DRC3: variants seen among roughly 807,000 people sequenced by gnomAD.
DRC3 encodes the protein leucine rich repeat containing 48.
A neutral mutation model predicts 57.6 loss-of-function variants in DRC3; 45 were observed. That is an observed-to-expected ratio of 0.78 (90% CI 0.62 to 1.00). The LOEUF is 1.00. DRC3 is among the 50% of genes least tolerant of loss of function. The pLI is 0.00. For missense variants in DRC3, 655 were observed against 675.2 expected (o/e 0.97, Z 0.33); for synonymous variants, 257 against 272.3 (o/e 0.94, Z 0.55).
At chr17:18,007,345 G>A (rs1443229932) in intron 12 of DRC3, 198 bp downstream of exon 12, 4 of 1,513,952 alleles carry the variant, frequency 2.6e-6, no homozygotes, top group African/African-American at 2.8e-5. Context: ...CACCCAGTGG[G>A]GCCCAGTTAA....
At position 18,008,429 on chromosome 17, in the gene DRC3, G is replaced by A. The variant is rs2044056400; in HGVS notation, c.1326+1282G>A. Among the ~76,000 whole-genome samples, 1 of 152,180 alleles carries A rather than the reference G, an allele frequency of 6.6e-6. No homozygotes were observed. Among genetic ancestry groups the A allele is most frequent in the Non-Finnish European group, 1.5e-5 (1 of 68,036 alleles). On this transcript the variant is annotated intron_variant, in intron 12 of 13. Coordinates refer to ENST00000399187, the MANE Select transcript of DRC3 (RefSeq NM_031294.4). The surrounding 1 kb of genome is among the most constrained non-coding windows in gnomAD (Gnocchi z 4.3). Reference sequence around the variant, plus strand: ...ACATGTAAGCTCAGGAGGGAGGACGGGGATGGCCTTTTCACCACCATGTAC... The same window carrying A: ...ACATGTAAGCTCAGGAGGGAGGACGAGGATGGCCTTTTCACCACCATGTAC...
chr17:18,016,471 AT>A, intron 13 of DRC3, 86 bp from the exon 14 acceptor site: 1 of 1,009,662 alleles, frequency 9.9e-7, no homozygotes, highest in Non-Finnish European at 1.5e-6. Context: ...TAAAGGAACT[AT>A]TTTCCCCTTC....
intron 8 of DRC3, among the ~76,000 whole-genome samples, chr17:17,996,201 G>A (rs1044094434): frequency 6.6e-6 from 1 of 152,108 alleles, no homozygotes; most frequent in Non-Finnish European, 1.5e-5. Context: ...TTTGTATTTA[G>A]TAGAGACTGG....
intron 9 of DRC3, among the ~76,000 whole-genome samples, chr17:17,997,973 G>C (rs1295387040): frequency 6.6e-6 from 1 of 152,180 alleles, no homozygotes; most frequent in Non-Finnish European, 1.5e-5. Flanking sequence ...TTACTATTTT[G>C]ACAGTAATGA....
chr17:17,979,878 A>G (rs1360571433), intron 3 of DRC3, among the ~76,000 whole-genome samples: 1 of 151,740 alleles, frequency 6.6e-6, no homozygotes, highest in Admixed American at 6.5e-5. Flanking sequence ...GCTGAAGAAC[A>G]GGCACCAGTC....
intron 2 of DRC3, among the ~76,000 whole-genome samples, chr17:17,975,889 G>C (rs1468100772): frequency 6.6e-6 from 1 of 152,214 alleles, no homozygotes; most frequent in Non-Finnish European, 1.5e-5. Flanking sequence ...GGACAGTTCA[G>C]GGCAGAGGAT....
intron 2 of DRC3, among the ~76,000 whole-genome samples, chr17:17,975,572 A>G (rs2145175452): frequency 6.7e-6 from 1 of 149,712 alleles, no homozygotes; most frequent in East Asian, 2.0e-4. Context: ...CAAATATAAC[A>G]CATTAAAATT....
chr17:17,990,086 G>A (rs1391993234), intron 5 of DRC3, among the ~76,000 whole-genome samples: 3 of 152,146 alleles, frequency 2.0e-5, no homozygotes, highest in Non-Finnish European at 2.9e-5. Flanking sequence ...TCAAGGACAC[G>A]GGCTTCCTTG....
rs774076446 is a variant in DRC3 at position 18,016,140 on chromosome 17, G to A, written c.1403G>A (p.Arg468Gln). The change falls in exon 13 of 14, where the codon CGA (arginine) becomes CAA (glutamine). Residue 468 changes from arginine (R) to glutamine (Q), a missense_variant. By Grantham distance (43) the Arg-to-Gln change is conservative (BLOSUM62 1). Coordinates refer to ENST00000399187, the MANE Select transcript of DRC3 (RefSeq NM_031294.4). ...HDIHLLKIDN[R>Q]EDELVTRINS... Reference sequence around the variant, plus strand: ...ATCCACCTCCTGAAGATTGACAATCGAGAAGATGAGCTGGTGACCAGAATC... The same window carrying A: ...ATCCACCTCCTGAAGATTGACAATCAAGAAGATGAGCTGGTGACCAGAATC... 5.0e-6 allele frequency: 8 copies of A among 1,613,958 alleles called. No homozygotes were observed. The highest frequency in any genetic ancestry group is 2.2e-5 in the South Asian group (2 of 91,080).
At chr17:17,987,408 C>G (rs1285849674) in intron 4 of DRC3, among the ~76,000 whole-genome samples, 1 of 151,954 alleles carries the variant, frequency 6.6e-6, no homozygotes, top group African/African-American at 2.4e-5. Flanking sequence ...TGGCTTTGGG[C>G]AAATCACTGA....
intron 12 of DRC3, among the ~76,000 whole-genome samples, chr17:18,013,842 CCT>C (rs1160974917): frequency 6.6e-6 from 1 of 152,088 alleles, no homozygotes; most frequent in Non-Finnish European, 1.5e-5. Context: ...ATGCTAATAC[CCT>C]GATCTGATCA....
chr17:17,986,192 G>A (rs568182956), intron 4 of DRC3, among the ~76,000 whole-genome samples: 39 of 152,312 alleles, frequency 2.6e-4, no homozygotes, highest in East Asian at 1.5e-3. Flanking sequence ...GATTATAGGC[G>A]TGAGCCACTG....
At position 17,982,580 on chromosome 17, in the gene DRC3, C is replaced by CTT. The variant is rs200264642; in HGVS notation, c.161-1232_161-1231dup. On this transcript the variant is annotated intron_variant, in intron 3 of 13. Transcript: ENST00000399187. ...TTTCAGTTCTTTTAATGAGCATATT[C>CTT]TTTTTTTTTTTTTTTTTGAGATGGA... is the stretch of plus-strand genomic sequence containing the variant. Among the ~76,000 whole-genome samples the CTT allele has an allele frequency of 7.6e-4, 102 of 133,674 alleles. 1 individual carries two copies. The East Asian group carries it at 0.012, about 15-fold the overall frequency. The allele number at this position is 133,674 out of a possible 152,430, so 87.7% of individuals were successfully genotyped here. A position where few individuals can be genotyped will look rare whatever the true frequency, so the allele number is the denominator to read the frequency against.
At chr17:17,998,727 C>G (rs2043565994) in intron 9 of DRC3, among the ~76,000 whole-genome samples, 1 of 152,158 alleles carries the variant, frequency 6.6e-6, no homozygotes, top group Non-Finnish European at 1.5e-5. Flanking sequence ...CAGGGCCTCA[C>G]ATGTTGTGCG....
intron 9 of DRC3, among the ~76,000 whole-genome samples, chr17:18,000,247 AGTGTGTGTGTGTGTGTGTGT>A (rs34029124): frequency 1.7e-5 from 1 of 58,468 alleles, no homozygotes; most frequent in African/African-American, 5.9e-5. Flanking sequence ...CTTTCACGTG[AGTGTGTGTGTGTGTGTGTGT>A]GCATAGCATG....
intron 4 of DRC3, among the ~76,000 whole-genome samples, chr17:17,985,569 T>C (rs1296529885): frequency 2.0e-5 from 3 of 152,204 alleles, no homozygotes; most frequent in Admixed American, 6.5e-5. Context: ...TGCACAGGGC[T>C]GAGGATGTGC....
At chr17:17,974,637 G>C (rs1335565690) in intron 2 of DRC3, among the ~76,000 whole-genome samples, 1 of 152,170 alleles carries the variant, frequency 6.6e-6, no homozygotes, top group Non-Finnish European at 1.5e-5. Context: ...TTCAGCCAAA[G>C]TGCAACAAGT....
chr17:18,012,524 A>G (rs2044205019), intron 12 of DRC3, among the ~76,000 whole-genome samples: 1 of 152,174 alleles, frequency 6.6e-6, no homozygotes, highest in African/African-American at 2.4e-5. Flanking sequence ...TCTATAAAAA[A>G]TACAAAAATT....
chr17:18,015,267 A>C (rs1422217970), intron 12 of DRC3: 1 of 152,228 alleles, frequency 6.6e-6, no homozygotes, highest in African/African-American at 2.4e-5. Context: ...TACAGGAAAG[A>C]ACAAAAAATG....
Sources: gnomAD v4.1 joint callset for allele counts (sites outside exome capture counted in the v4.1 genomes callset) on GRCh38, gnomAD v4.1.1 for gene constraint, Gnocchi (gnomAD v3.1) non-coding constraint, MANE v1.5 for transcripts, NCBI Gene and HGNC (gene_info 2026-07-23, HGNC 2026-07-21) for gene names.